Variants in PTPRQ observed in about 807,000 individuals in gnomAD.
PTPRQ encodes the protein protein tyrosine phosphatase receptor type Q.
A neutral mutation model predicts 246.0 loss-of-function variants in PTPRQ; 199 were observed. That is an observed-to-expected ratio of 0.81 (90% CI 0.72 to 0.91). The LOEUF (loss-of-function observed/expected upper bound fraction) is 0.91. Among genes scored for constraint, PTPRQ ranks in the 40% least tolerant of loss-of-function variants. The pLI, the probability that PTPRQ is intolerant of heterozygous loss-of-function variation, is 0.00. For synonymous variants in PTPRQ, 869 were observed against 853.2 expected (o/e 1.02, Z -0.32); for missense variants, 2,624 against 2,528.4 (o/e 1.04, Z -0.81).
chr12:80,647,938 C>G (rs995756701), intron 35 of PTPRQ, among the ~76,000 whole-genome samples: 1 of 152,036 alleles, frequency 6.6e-6, no homozygotes, highest in Non-Finnish European at 1.5e-5. Context: ...CTTTGTAATA[C>G]CTGGTCCAGC....
chr12:80,552,485 A>G (rs1896503617), intron 25 of PTPRQ, among the ~76,000 whole-genome samples: 2 of 151,392 alleles, frequency 1.3e-5, no homozygotes, highest in Non-Finnish European at 2.9e-5. Context: ...TTTGCCATTA[A>G]AAGTAATATT....
chr12:80,678,864 T>C (rs970312469), intron 44 of PTPRQ, 122 bp from the exon 45 acceptor site: 123 of 1,298,940 alleles, frequency 9.5e-5, no homozygotes, highest in Non-Finnish European at 8.0e-5. Flanking sequence ...CTTTAACTTT[T>C]CTCTAATCCA....
intron 14 of PTPRQ, among the ~76,000 whole-genome samples, chr12:80,499,299 A>G (rs1284578281): frequency 6.6e-6 from 1 of 151,964 alleles, no homozygotes; most frequent in Non-Finnish European, 1.5e-5. Flanking sequence ...CTCTGTCCTA[A>G]GTTAGGGTAG....
Position 80,496,591 on chromosome 12 carries a change from A to T in PTPRQ, c.2272+60A>T, listed in dbSNP as rs1894632964. On this transcript the variant is annotated intron_variant, in intron 14 of 44. Transcript: ENST00000644991. ...CACAGTGATATAGTAAGCAAAGCTG[A>T]TAATCGCCATGTTGTTTACATTTTA... 27 of 1,484,010 alleles carry T rather than the reference A, an allele frequency of 1.8e-5. No individual in the cohort carries two copies. In the South Asian group the frequency reaches 3.6e-4, roughly 20 times the overall value. 91.9% of individuals were successfully genotyped at this position (1,484,010 alleles called of 1,614,324 possible). A position where few individuals can be genotyped will look rare whatever the true frequency, so the allele number is the denominator to read the frequency against.
At chr12:80,446,940 A>T (rs1892573025) in intron 3 of PTPRQ, among the ~76,000 whole-genome samples, 1 of 151,956 alleles carries the variant, frequency 6.6e-6, no homozygotes, top group Non-Finnish European at 1.5e-5. Context: ...TAGCAGTGAG[A>T]TTGCTGGGTT....
At chr12:80,489,518 C>T (rs1022234870) in intron 9 of PTPRQ, among the ~76,000 whole-genome samples, 10 of 151,908 alleles carry the variant, frequency 6.6e-5, no homozygotes, top group Non-Finnish European at 1.3e-4. Flanking sequence ...CAGAGTTTTC[C>T]GAAGACTTAA....
intron 25 of PTPRQ, among the ~76,000 whole-genome samples, chr12:80,584,740 C>A (rs1330458436): frequency 6.6e-6 from 1 of 152,100 alleles, no homozygotes; most frequent in Non-Finnish European, 1.5e-5. Context: ...TTTCTGAACA[C>A]CCACGTCAAT....
intron 43 of PTPRQ, among the ~76,000 whole-genome samples, chr12:80,676,078 G>A (rs1901126498): frequency 6.6e-6 from 1 of 152,118 alleles, no homozygotes; most frequent in Admixed American, 6.5e-5. Flanking sequence ...TTAGTTCCCA[G>A]AAGTTAGGCT....
chr12:80,519,586 C>A (rs1895409424), intron 17 of PTPRQ, among the ~76,000 whole-genome samples: 1 of 152,088 alleles, frequency 6.6e-6, no homozygotes, highest in South Asian at 2.1e-4. Flanking sequence ...GTTAGCTAAA[C>A]ATACATATTT....
At chr12:80,459,669 C>T (rs1265094136) in intron 5 of PTPRQ, among the ~76,000 whole-genome samples, 186 bp downstream of exon 5, 1 of 152,124 alleles carries the variant, frequency 6.6e-6, no homozygotes, top group Non-Finnish European at 1.5e-5. Flanking sequence ...CAATTGGCCT[C>T]ATTCAGGTAG....
intron 16 of PTPRQ, 76 bp from the exon 17 acceptor site, chr12:80,510,247 A>T: frequency 7.6e-7 from 1 of 1,307,902 alleles, no homozygotes; most frequent in Non-Finnish European, 9.9e-7. Context: ...TATAATAAAA[A>T]TTGTGTGCAT....
At chr12:80,498,246 A>G (rs1361756214) in intron 14 of PTPRQ, among the ~76,000 whole-genome samples, 1 of 152,090 alleles carries the variant, frequency 6.6e-6, no homozygotes, top group Non-Finnish European at 1.5e-5. Flanking sequence ...TGAAACAAGC[A>G]TATTTTTAGC....
chr12:80,593,089 A>G (rs148460457), intron 26 of PTPRQ, among the ~76,000 whole-genome samples: 2 of 152,346 alleles, frequency 1.3e-5, no homozygotes, highest in African/African-American at 4.8e-5. Context: ...TAGAGAAAAG[A>G]CTAAACAACA....
intron 17 of PTPRQ, among the ~76,000 whole-genome samples, chr12:80,517,005 G>T (rs1895320930): frequency 6.6e-6 from 1 of 152,030 alleles, no homozygotes; most frequent in Non-Finnish European, 1.5e-5. Context: ...GCTCTTTAGG[G>T]CTTAATATGA....
chr12:80,470,585 AC>A (rs961154843), intron 7 of PTPRQ, among the ~76,000 whole-genome samples: 2 of 152,194 alleles, frequency 1.3e-5, no homozygotes, highest in African/African-American at 2.4e-5. Context: ...GAATAAAGTG[AC>A]ATCAATTAAT....
rs1899474222 is a variant in PTPRQ, at chr12:80,632,416, A to G, written c.5786+125A>G. On this transcript the variant is annotated intron_variant, in intron 34 of 44. Transcript: ENST00000644991. ...AAACATTTTTATTTTTAATAGACAG[A>G]TAAAAATGTATTTATCATGTACAAT... The G allele has an allele frequency of 3.0e-6, 4 of 1,314,386 alleles. No individual in the cohort carries two copies. In the Admixed American group the frequency reaches 7.5e-5, roughly 25 times the overall value. The allele number at this position is 1,314,386 out of a possible 1,614,324, so 81.4% of individuals were successfully genotyped here. A position where few individuals can be genotyped will look rare whatever the true frequency, so the allele number is the denominator to read the frequency against.
chr12:80,642,808 T>A (rs1307132903), intron 35 of PTPRQ, among the ~76,000 whole-genome samples: 3 of 147,936 alleles, frequency 2.0e-5, no homozygotes, highest in African/African-American at 5.0e-5. Context: ...TAGTCCCAGC[T>A]ACTCGGGAGG....
At position 80,588,163 on chromosome 12, in the gene PTPRQ, T is replaced by A; in HGVS notation, c.4320T>A (p.Asp1440Glu). The A allele has an allele frequency of 1.3e-6, 2 of 1,535,448 alleles. No individual in the cohort carries two copies. The highest frequency in any genetic ancestry group is 1.8e-6 in the Non-Finnish European group (2 of 1,138,712). The change falls in exon 26 of 45, where the codon GAT (aspartate) becomes GAA (glutamate). Residue 1440 changes from aspartate to glutamate, a missense_variant. Physicochemically the swap from Asp to Glu is conservative, Grantham distance 45. Coordinates refer to ENST00000644991, the MANE Select transcript of PTPRQ (RefSeq NM_001145026.2). ...TTCCCACAAATATTGCTTTTTCTGA[T>A]GTTCAGTCAACTAGTGCAACATTGA... ...PSVPTNIAFS[D>E]VQSTSATLTW...
At chr12:80,509,835 A>G (rs1004352461) in intron 16 of PTPRQ, among the ~76,000 whole-genome samples, 5 of 152,114 alleles carry the variant, frequency 3.3e-5, no homozygotes, top group Non-Finnish European at 5.9e-5. Flanking sequence ...GACACAACAG[A>G]GATTGAGGAA....
Sources: gnomAD v4.1 joint callset for allele counts (sites outside exome capture counted in the v4.1 genomes callset) on GRCh38, gnomAD v4.1.1 for gene constraint, MANE v1.5 for transcripts, NCBI Gene and HGNC (gene_info 2026-07-23, HGNC 2026-07-21) for gene names.